The following MAPK8IP1 variants were observed in gnomAD, a reference collection of about 807,000 sequenced individuals.
MAPK8IP1 encodes the protein mitogen-activated protein kinase 8 interacting protein 1.
MAPK8IP1 carries 17 observed loss-of-function variants against 72.6 expected under a neutral mutation model. The ratio of observed to expected loss-of-function variants is 0.23; its 90% confidence interval spans 0.16 to 0.35. MAPK8IP1 has a LOEUF of 0.35. Among genes scored for constraint, MAPK8IP1 ranks in the 10% least tolerant of loss-of-function variants. MAPK8IP1 has a pLI of 1.00. For missense variants in MAPK8IP1, 789 were observed against 1,009.7 expected (o/e 0.78, Z 2.96); for synonymous variants, 401 against 443.4 (o/e 0.90, Z 1.20).
At position 45,900,395 on chromosome 11, in the gene MAPK8IP1, G is replaced by T. The variant is rs1033895701; in HGVS notation, c.465G>T (p.Thr155=). ...GQSQGPGSGD[T]YRPKRPTTLN... ...GCCAGGGCCCGGGCAGCGGGGACACGTACCGGCCCAAGCGGCCCACCACGC... is the reference window on the plus strand; with the variant it reads ...GCCAGGGCCCGGGCAGCGGGGACACTTACCGGCCCAAGCGGCCCACCACGC... Residue 155 remains threonine, a synonymous_variant, in exon 3 of 12, where the codon ACG becomes ACT. Transcript: ENST00000241014. This position sits in a 1 kb window ranked among gnomAD's most constrained non-coding sequence, Gnocchi z 6.5. 3.5e-5 allele frequency: 53 copies of T among 1,529,206 alleles called. No homozygotes were observed. Among genetic ancestry groups the T allele is most frequent in the Non-Finnish European group, 4.5e-5 (51 of 1,144,604 alleles). 94.7% of individuals were successfully genotyped at this position (1,529,206 alleles called of 1,614,324 possible).
intron 1 of MAPK8IP1, among the ~76,000 whole-genome samples, chr11:45,897,586 C>G (rs2086618315): frequency 6.6e-6 from 1 of 152,194 alleles, no homozygotes; most frequent in Non-Finnish European, 1.5e-5. Context: ...TTCGCTTGTT[C>G]CCTGGGCTCA....
In MAPK8IP1 at chr11:45,905,690, C is replaced by T. The variant is rs2271848; in HGVS notation, c.2105C>T (p.Thr702Ile). 4.3e-6 allele frequency: 7 copies of T among 1,613,906 alleles called. No homozygotes were observed. The highest frequency in any genetic ancestry group is 2.2e-5 in the East Asian group (1 of 44,878). The part of the protein sequence containing the change: ...QQFYKQFVEY[T>I]CPTEDIYLE ...TTCTACAAGCAGTTTGTGGAGTACA[C>T]CTGCCCCACAGAAGATATCTACCTG... is the stretch of plus-strand genomic sequence containing the variant. Residue 702 changes from threonine to isoleucine, a missense_variant, in exon 12 of 12, where the codon ACC becomes ATC. Physicochemically the swap from Thr to Ile is moderately conservative, Grantham distance 89. Transcript: ENST00000241014.
chr11:45,903,361 G>A lies in MAPK8IP1; in HGVS notation c.1418-4G>A, dbSNP rs750108308. ...CCCATCCAGCCACACCACCTCACCT[G>A]CAGGTGCTGAGTCCTTCGGGCTGTT... is the stretch of plus-strand genomic sequence containing the variant. On this transcript the variant is annotated splice_region_variant and splice_polypyrimidine_tract_variant and intron_variant, in intron 5 of 11. Transcript: ENST00000241014. The surrounding 1 kb of genome is among the most constrained non-coding windows in gnomAD (Gnocchi z 6.4). The A allele has an allele frequency of 6.2e-7, 1 of 1,613,586 alleles. No homozygotes were observed. Among genetic ancestry groups the A allele is most frequent in the South Asian group, 1.1e-5 (1 of 91,050 alleles).
intron 1 of MAPK8IP1, chr11:45,896,616 C>A: frequency 7.4e-7 from 1 of 1,351,600 alleles, no homozygotes; most frequent in South Asian, 1.9e-5. Context: ...CCAGGCCAGC[C>A]GGGAGGAAGG....
At position 45,904,605 on chromosome 11, in the gene MAPK8IP1, C is replaced by G; in HGVS notation, c.1776+41C>G. 1 of 1,603,382 alleles carries G rather than the reference C, an allele frequency of 6.2e-7. No homozygotes were observed. The highest frequency in any genetic ancestry group is 8.5e-7 in the Non-Finnish European group (1 of 1,170,250). On this transcript the variant is annotated intron_variant, in intron 8 of 11. Transcript: ENST00000241014. The surrounding 1 kb of genome is among the most constrained non-coding windows in gnomAD (Gnocchi z 6.4). ...CCCTTCTCCTCCCTTGGATGGGTCC[C>G]TGGGGCAGAGGGACGCAGGTGTCTA...
In MAPK8IP1 at chr11:45,898,131, T is replaced by C; in HGVS notation, c.148T>C (p.Ser50Pro). The C allele has an allele frequency of 6.2e-7, 1 of 1,613,832 alleles. No homozygotes were observed. The change falls in exon 2 of 12, where the codon TCG becomes CCG. Residue 50 changes from serine to proline, a missense_variant. Ser to Pro is a moderately conservative substitution (Grantham distance 74). Coordinates refer to ENST00000241014, the MANE Select transcript of MAPK8IP1 (RefSeq NM_005456.4). ...SLEEFEDEDL[S>P]EITDECGISL... ...GGAGGAGTTTGAGGATGAAGACCTC[T>C]CGGAGATCACTGATGAGTGTGGCAT...
chr11:45,896,985 G>A (rs572368792), intron 1 of MAPK8IP1: 62 of 1,551,180 alleles, frequency 4.0e-5, no homozygotes, highest in East Asian at 7.2e-5. Context: ...GGTGGAGACC[G>A]AGTTGGGGTG....
chr11:45,886,786 T>C (rs1264035835), intron 1 of MAPK8IP1, among the ~76,000 whole-genome samples: 1 of 152,058 alleles, frequency 6.6e-6, no homozygotes, highest in Non-Finnish European at 1.5e-5. Flanking sequence ...GCTCCCGGCC[T>C]AGAGAGGGAG....
At chr11:45,894,007 C>T (rs2086585354) in intron 1 of MAPK8IP1, among the ~76,000 whole-genome samples, 1 of 152,112 alleles carries the variant, frequency 6.6e-6, no homozygotes, top group Admixed American at 6.5e-5. Context: ...ACCAATCAGT[C>T]CCCCTTGATC....
In MAPK8IP1 at chr11:45,903,998, T is replaced by A; in HGVS notation, c.1503T>A (p.Pro501=). ...TCCTTGCTGGGGACAGGTTTGTGCC[T>A]CGACACGAAGACGAACTTGAGCTGG... ...QTHRAIFRFV[P]RHEDELELEV... Residue 501 remains proline (P), a synonymous_variant, in exon 7 of 12, where the codon CCT becomes CCA. Coordinates refer to ENST00000241014, the MANE Select transcript of MAPK8IP1 (RefSeq NM_005456.4). The surrounding 1 kb of genome is among the most constrained non-coding windows in gnomAD (Gnocchi z 6.4). 1 of 1,613,126 alleles carries A rather than the reference T, an allele frequency of 6.2e-7. No homozygotes were observed. The highest frequency in any genetic ancestry group is 8.5e-7 in the Non-Finnish European group (1 of 1,179,914).
Position 45,904,669 on chromosome 11 carries a change from C to T in MAPK8IP1, c.1777-49C>T, listed in dbSNP as rs1189106071. On this transcript the variant is annotated intron_variant, in intron 8 of 11. Coordinates refer to ENST00000241014, the MANE Select transcript of MAPK8IP1 (RefSeq NM_005456.4). This position sits in a 1 kb window ranked among gnomAD's most constrained non-coding sequence, Gnocchi z 6.4. ...GCTCAGGCCCTGGGACAGGAGGGAT[C>T]AGCAGAGGAACAGACAGCAGCTGAC... 6.2e-7 allele frequency: 1 copy of T among 1,603,446 alleles called. No individual in the cohort carries two copies. The highest frequency in any genetic ancestry group is 8.5e-7 in the Non-Finnish European group (1 of 1,170,832).
chr11:45,888,748 G>T lies in MAPK8IP1; in HGVS notation c.101+2827G>T, dbSNP rs562394800. On this transcript the variant is annotated intron_variant, in intron 1 of 11. Coordinates refer to ENST00000241014, the MANE Select transcript of MAPK8IP1 (RefSeq NM_005456.4). ...CACTCTGTCGCCCAGGCTGGAGGTT[G>T]GAGTGCAGTGGCATGATCTAAGCTC... 2.0e-5 allele frequency among the ~76,000 whole-genome samples: 3 copies of T among 151,978 alleles called. No individual in the cohort carries two copies. The South Asian group carries it at 6.2e-4, about 32-fold the overall frequency.
intron 2 of MAPK8IP1, among the ~76,000 whole-genome samples, chr11:45,899,662 C>A (rs1290951310): frequency 2.0e-5 from 3 of 152,164 alleles, no homozygotes; most frequent in Non-Finnish European, 4.4e-5. Flanking sequence ...GCGTCTCCTT[C>A]CCATCCCTCT....
In MAPK8IP1 at chr11:45,904,289, C is replaced by T. The variant is rs756390319; in HGVS notation, c.1666+128C>T. On this transcript the variant is annotated intron_variant, in intron 7 of 11. Coordinates refer to ENST00000241014, the MANE Select transcript of MAPK8IP1 (RefSeq NM_005456.4). The surrounding 1 kb of genome is among the most constrained non-coding windows in gnomAD (Gnocchi z 6.4). Reference sequence around the variant, plus strand: ...GGCTGAGTGGAAGTGATTTTAGGTCCTTTTCACGATCAAGCAAAGTGAGGC... The same window carrying T: ...GGCTGAGTGGAAGTGATTTTAGGTCTTTTTCACGATCAAGCAAAGTGAGGC... 1.2e-4 allele frequency: 154 copies of T among 1,265,798 alleles called. No individual in the cohort carries two copies. Among genetic ancestry groups the T allele is most frequent in the Non-Finnish European group, 1.7e-4 (148 of 888,614 alleles). The allele number at this position is 1,265,798 out of a possible 1,614,324, so 78.4% of individuals were successfully genotyped here. A position where few individuals can be genotyped will look rare whatever the true frequency, so the allele number is the denominator to read the frequency against.
chr11:45,893,875 T>A (rs1448000576), intron 1 of MAPK8IP1, among the ~76,000 whole-genome samples: 1 of 152,020 alleles, frequency 6.6e-6, no homozygotes, highest in Admixed American at 6.6e-5. Context: ...AGTGTCTGTT[T>A]AGCCTTCTCT....
Position 45,904,849 on chromosome 11 carries a change from C to T in MAPK8IP1, c.1893+15C>T, listed in dbSNP as rs774274630. 4 of 1,612,892 alleles carry T rather than the reference C, an allele frequency of 2.5e-6. No homozygotes were observed. In the Admixed American group the frequency reaches 6.7e-5, roughly 27 times the overall value. Reference sequence around the variant, plus strand: ...AGGAGGCCAAGGTGACTTCTTCCAACCCAGCCCCTTCCTTCCATGGCCCCA... The same window carrying T: ...AGGAGGCCAAGGTGACTTCTTCCAATCCAGCCCCTTCCTTCCATGGCCCCA... On this transcript the variant is annotated intron_variant, in intron 9 of 11. Transcript: ENST00000241014. The surrounding 1 kb of genome is among the most constrained non-coding windows in gnomAD (Gnocchi z 6.4).
At chr11:45,897,660 G>A (rs1037254394) in intron 1 of MAPK8IP1, among the ~76,000 whole-genome samples, 2 of 152,164 alleles carry the variant, frequency 1.3e-5, no homozygotes, top group Non-Finnish European at 2.9e-5. Context: ...CCGGCGCCTC[G>A]GGTCTTGCTA....
At chr11:45,892,472 A>T (rs1329162881) in intron 1 of MAPK8IP1, among the ~76,000 whole-genome samples, 1 of 151,976 alleles carries the variant, frequency 6.6e-6, no homozygotes, top group Admixed American at 6.6e-5. Context: ...GGATTAACTG[A>T]CTCCAAGGGG....
At chr11:45,890,874 G>A (rs2086561538) in intron 1 of MAPK8IP1, among the ~76,000 whole-genome samples, 2 of 152,230 alleles carry the variant, frequency 1.3e-5, no homozygotes, top group African/African-American at 4.8e-5. Flanking sequence ...CTGGGAGTCT[G>A]AGTTTGGAGG....
Sources: allele counts gnomAD v4.1 joint callset (sites outside exome capture counted in the v4.1 genomes callset), GRCh38; gene constraint gnomAD v4.1.1; non-coding constraint Gnocchi (gnomAD v3.1); transcripts MANE v1.5; gene names NCBI Gene and HGNC (gene_info 2026-07-23, HGNC 2026-07-21).